KCNAB1: variants seen among roughly 807,000 people sequenced by gnomAD.
KCNAB1 encodes the protein potassium voltage-gated channel subfamily A regulatory beta subunit 1, also known as voltage-gated potassium channel subunit beta-1.
In KCNAB1, 35 loss-of-function variants were observed where a neutral mutation model predicts 64.6. That is an observed-to-expected ratio of 0.54 (90% CI 0.41 to 0.72). KCNAB1 has a LOEUF of 0.72. KCNAB1 is among the 30% of genes least tolerant of loss of function. The pLI is 0.00. For synonymous variants in KCNAB1, 177 were observed against 183.8 expected, an observed-to-expected ratio of 0.96 and a Z score of 0.30; for missense variants, 401 against 512.9, an observed-to-expected ratio of 0.78 and a Z score of 2.11.
intron 2 of KCNAB1, among the ~76,000 whole-genome samples, chr3:156,425,847 C>T (rs534200365): frequency 6.6e-6 from 1 of 151,936 alleles, no homozygotes; most frequent in African/African-American, 2.4e-5. Context: ...AAGAAGGTCT[C>T]CTGGGGGATT....
intron 1 of KCNAB1, among the ~76,000 whole-genome samples, chr3:156,131,044 G>T (rs9838322): frequency 0.61 from 92,938 of 152,106 alleles, 28,833 homozygotes; most frequent in Admixed American, 0.73. Context: ...TTTAAGTCAG[G>T]CTTTGGCCAT....
intron 1 of KCNAB1, among the ~76,000 whole-genome samples, chr3:156,275,069 A>G (rs1400210261): frequency 6.6e-6 from 1 of 152,108 alleles, no homozygotes; most frequent in South Asian, 2.1e-4. Context: ...CTCTGCTTCT[A>G]TGAGTTTTAC....
chr3:156,167,195 A>G (rs1296461803), intron 1 of KCNAB1, among the ~76,000 whole-genome samples: 1 of 152,176 alleles, frequency 6.6e-6, no homozygotes, highest in Non-Finnish European at 1.5e-5. Context: ...TTCCTCTAAG[A>G]GTGGACAATG....
At chr3:156,511,113 A>AT (rs1237591851) in intron 8 of KCNAB1, among the ~76,000 whole-genome samples, 5 of 150,720 alleles carry the variant, frequency 3.3e-5, no homozygotes, top group South Asian at 2.1e-4. Flanking sequence ...TTTATTTTTT[A>AT]TTTTTTTTGA....
intron 1 of KCNAB1, among the ~76,000 whole-genome samples, chr3:156,231,604 C>T (rs574872069): frequency 6.6e-6 from 1 of 150,800 alleles, no homozygotes; most frequent in African/African-American, 2.4e-5. Flanking sequence ...GCTAGGCACC[C>T]TTTTAGGTCT....
chr3:156,404,076 C>T (rs147494339), intron 1 of KCNAB1, among the ~76,000 whole-genome samples: 1 of 152,220 alleles, frequency 6.6e-6, no homozygotes, highest in African/African-American at 2.4e-5. Context: ...TTCCTAAATA[C>T]AATGCATAGT....
At chr3:156,485,797 C>T (rs1374497085) in intron 8 of KCNAB1, among the ~76,000 whole-genome samples, 1 of 152,042 alleles carries the variant, frequency 6.6e-6, no homozygotes, top group Non-Finnish European at 1.5e-5. Flanking sequence ...TCTTCATGTC[C>T]TTGTGTAGCC....
At chr3:156,487,859 T>G (rs1013710822) in intron 8 of KCNAB1, among the ~76,000 whole-genome samples, 1 of 151,660 alleles carries the variant, frequency 6.6e-6, no homozygotes, top group Non-Finnish European at 1.5e-5. Context: ...GACAAGAGAA[T>G]TCACATAAAA....
chr3:156,148,254 A>G (rs143286680), intron 1 of KCNAB1, among the ~76,000 whole-genome samples: 3 of 152,220 alleles, frequency 2.0e-5, no homozygotes, highest in Non-Finnish European at 2.9e-5. Context: ...TTTTCTCTAT[A>G]TAGGATATAG....
chr3:156,399,817 C>A (rs1001835439), intron 1 of KCNAB1, among the ~76,000 whole-genome samples: 2 of 152,210 alleles, frequency 1.3e-5, no homozygotes, highest in African/African-American at 2.4e-5. Context: ...AAATAGAAAT[C>A]ATTCCATTGT....
At chr3:156,329,606 G>A (rs768838418) in intron 1 of KCNAB1, among the ~76,000 whole-genome samples, 1 of 152,146 alleles carries the variant, frequency 6.6e-6, no homozygotes, top group Non-Finnish European at 1.5e-5. Flanking sequence ...TGTGGCCTGA[G>A]AGGAGTGAGG....
At position 156,418,556 on chromosome 3, in the gene KCNAB1, C is replaced by T. The variant is rs748349569; in HGVS notation, c.276-3060C>T. On this transcript the variant is annotated intron_variant, in intron 1 of 13. Transcript: ENST00000490337. The stretch of plus-strand genomic sequence containing the variant: ...ATGGATAGAGACAGGAGGATGCAGA[C>T]GTGCCATTTGGAATAGCAGAAATCA... 3.7e-4 allele frequency among the ~76,000 whole-genome samples: 57 copies of T among 152,170 alleles called. 1 individual carries two copies. Among genetic ancestry groups the T allele is most frequent in the Non-Finnish European group, 1.9e-4 (13 of 68,028 alleles).
intron 1 of KCNAB1, chr3:156,143,461 T>A: frequency 7.4e-7 from 1 of 1,343,054 alleles, no homozygotes; most frequent in Non-Finnish European, 1.0e-6. Context: ...GGCACTGCAC[T>A]GATGTCAAAG....
intron 5 of KCNAB1, among the ~76,000 whole-genome samples, chr3:156,463,376 T>G (rs1713082185): frequency 6.6e-6 from 1 of 152,190 alleles, no homozygotes; most frequent in African/African-American, 2.4e-5. Flanking sequence ...CCCTCCATGC[T>G]GGCCCACCAC....
intron 1 of KCNAB1, among the ~76,000 whole-genome samples, chr3:156,314,420 T>C (rs1195342644): frequency 2.0e-5 from 3 of 152,180 alleles, no homozygotes; most frequent in African/African-American, 7.2e-5. Flanking sequence ...ATTTTATAGA[T>C]AAGTAAACAG....
chr3:156,283,700 C>A (rs983439950), intron 1 of KCNAB1, among the ~76,000 whole-genome samples: 1 of 151,882 alleles, frequency 6.6e-6, no homozygotes, highest in African/African-American at 2.4e-5. Flanking sequence ...TCCCCTCTCG[C>A]TTCATTTCAT....
At chr3:156,253,482 T>A (rs1214334221) in intron 1 of KCNAB1, among the ~76,000 whole-genome samples, 1 of 152,196 alleles carries the variant, frequency 6.6e-6, no homozygotes, top group South Asian at 2.1e-4. Flanking sequence ...GAAGCCAGAA[T>A]CAACACAGAC....
At chr3:156,279,393 T>C (rs1486434028) in intron 1 of KCNAB1, among the ~76,000 whole-genome samples, 5 of 152,128 alleles carry the variant, frequency 3.3e-5, no homozygotes, top group African/African-American at 7.2e-5. Flanking sequence ...TGGTTCCAAG[T>C]CTTTGCTATT....
intron 1 of KCNAB1, among the ~76,000 whole-genome samples, chr3:156,363,804 A>G (rs907826856): frequency 6.6e-6 from 1 of 152,114 alleles, no homozygotes; most frequent in Non-Finnish European, 1.5e-5. Context: ...ATAGTTAGGG[A>G]TGTTTACAAG....
Sources: gnomAD v4.1 joint callset for allele counts (sites outside exome capture counted in the v4.1 genomes callset) on GRCh38, gnomAD v4.1.1 for gene constraint, MANE v1.5 for transcripts, NCBI Gene and HGNC (gene_info 2026-07-23, HGNC 2026-07-21) for gene names.